The following PDIA3 variants were observed in gnomAD, a reference collection of about 807,000 sequenced individuals.
The protein encoded by PDIA3 is protein disulfide isomerase family A member 3.
PDIA3 carries 16 observed loss-of-function variants against 56.9 expected under a neutral mutation model. The ratio of observed to expected loss-of-function variants is 0.28; its 90% CI spans 0.19 to 0.43. PDIA3 has a LOEUF of 0.43. Among genes scored for constraint, PDIA3 ranks in the 20% least tolerant of loss-of-function variants. The pLI, the probability that PDIA3 is intolerant of heterozygous loss-of-function variation, is 1.00. For synonymous variants in PDIA3, 192 were observed against 216.5 expected (o/e 0.89, Z 0.99); for missense variants, 485 against 621.3 (o/e 0.78, Z 2.33).
intron 2 of PDIA3, among the ~76,000 whole-genome samples, chr15:43,755,828 G>A (rs2086775354): frequency 6.6e-6 from 1 of 151,876 alleles, no homozygotes; most frequent in Admixed American, 6.6e-5. Context: ...GCAGGAGAAT[G>A]GCTTGAACCT....
At chr15:43,767,370 A>G (rs1352591305) in intron 8 of PDIA3, among the ~76,000 whole-genome samples, 1 of 152,106 alleles carries the variant, frequency 6.6e-6, no homozygotes, top group South Asian at 2.1e-4. Context: ...GAAATAAATA[A>G]AGAAAAATAA....
At chr15:43,769,701 G>C in intron 10 of PDIA3, 55 bp downstream of exon 10, 1 of 1,586,142 alleles carries the variant, frequency 6.3e-7, no homozygotes, top group East Asian at 2.2e-5. Context: ...GTAAGTTTAT[G>C]TATGTATTCA....
chr15:43,748,087 G>C (rs1190383918), intron 1 of PDIA3, among the ~76,000 whole-genome samples: 1 of 152,172 alleles, frequency 6.6e-6, no homozygotes, highest in Non-Finnish European at 1.5e-5. Flanking sequence ...CACTAAGTTT[G>C]TCAGATCTGA....
At chr15:43,756,848 A>G (rs1258364286) in intron 3 of PDIA3, 82 bp downstream of exon 3, 35 of 787,838 alleles carry the variant, frequency 4.4e-5, no homozygotes, top group South Asian at 2.0e-4. Context: ...GTGTTTTTCT[A>G]CACAGTATAC....
At chr15:43,766,991 A>C in intron 8 of PDIA3, 81 bp downstream of exon 8, 2 of 1,244,702 alleles carry the variant, frequency 1.6e-6, no homozygotes, top group South Asian at 2.5e-5. Flanking sequence ...AAGAACAATA[A>C]CCCTGGAATG....
chr15:43,771,644 T>G lies in PDIA3; in HGVS notation c.*426T>G, dbSNP rs751684191. 4.9e-5 allele frequency: 20 copies of G among 406,006 alleles called. No homozygotes were observed. The highest frequency in any genetic ancestry group is 7.8e-5 in the Non-Finnish European group (18 of 230,864). The allele number at this position is 406,006 out of a possible 1,614,324, so 25.2% of individuals were successfully genotyped here. A position where few individuals can be genotyped will look rare whatever the true frequency, so the allele number is the denominator to read the frequency against. On this transcript the variant is annotated 3_prime_UTR_variant, in exon 13 of 13. Transcript: ENST00000300289. ...GGAAATGCTCTGTAATCTACACTGT[T>G]CAGTACAGGTAGCTACGGAGCATCT...
intron 7 of PDIA3, among the ~76,000 whole-genome samples, chr15:43,766,433 T>G (rs897952453): frequency 6.6e-6 from 1 of 152,226 alleles, no homozygotes; most frequent in Non-Finnish European, 1.5e-5. Flanking sequence ...CCTTACAAAT[T>G]TTGTTTTCAG....
At chr15:43,762,565 A>T (rs905410372) in intron 4 of PDIA3, among the ~76,000 whole-genome samples, 5 of 151,342 alleles carry the variant, frequency 3.3e-5, no homozygotes, top group African/African-American at 1.2e-4. Flanking sequence ...TTTACTGTTT[A>T]AATTTGGCTA....
chr15:43,752,767 T>C, intron 1 of PDIA3: 1 of 470,770 alleles, frequency 2.1e-6, no homozygotes, highest in Non-Finnish European at 4.4e-6. Flanking sequence ...AAGTTTCTTC[T>C]CTATTATATT....
At chr15:43,765,814 A>G (rs1390931397) in intron 6 of PDIA3, 73 bp from the exon 7 acceptor site, 2 of 1,483,352 alleles carry the variant, frequency 1.3e-6, no homozygotes, top group East Asian at 2.3e-5. Context: ...AATGCTATCA[A>G]TTATTTTGTG....
At chr15:43,750,824 C>A (rs1157868004) in intron 1 of PDIA3, among the ~76,000 whole-genome samples, 1 of 150,414 alleles carries the variant, frequency 6.6e-6, no homozygotes, top group Non-Finnish European at 1.5e-5. Flanking sequence ...GTGTATGCTA[C>A]CCTCTAAGAC....
In PDIA3 at chr15:43,765,781, GT is replaced by G. The variant is rs2086844078; in HGVS notation, c.720-103del. 3.1e-6 allele frequency: 4 copies of G among 1,277,298 alleles called. No individual in the cohort carries two copies. The Admixed American group carries it at 6.3e-5, about 20-fold the overall frequency. The allele number at this position is 1,277,298 out of a possible 1,614,324, so 79.1% of individuals were successfully genotyped here. A position where few individuals can be genotyped will look rare whatever the true frequency, so the allele number is the denominator to read the frequency against. ...ATATTGCTCAGTACTTGTTCTAAAT[GT>G]TTAAAATCTCTTTCCTTCATAAATG... is the stretch of plus-strand genomic sequence containing the variant. On this transcript the variant is annotated intron_variant, in intron 6 of 12. Transcript: ENST00000300289.
chr15:43,765,614 G>T, intron 6 of PDIA3, 48 bp downstream of exon 6: 1 of 1,215,630 alleles, frequency 8.2e-7, no homozygotes, highest in Non-Finnish European at 1.2e-6. Flanking sequence ...CTTGATTTTA[G>T]TTTGTTTACC....
intron 8 of PDIA3, among the ~76,000 whole-genome samples, chr15:43,767,444 C>T (rs1314707253): frequency 1.3e-5 from 2 of 151,938 alleles, no homozygotes; most frequent in Non-Finnish European, 2.9e-5. Context: ...GAAAGGATGG[C>T]AGGTTGGAAT....
chr15:43,751,637 C>CT, intron 1 of PDIA3: 1 of 1,304,190 alleles, frequency 7.7e-7, no homozygotes, highest in Non-Finnish European at 1.0e-6. Flanking sequence ...CATTGAAACT[C>CT]TTTTTGTGGA....
At position 43,768,498 on chromosome 15, in the gene PDIA3, G is replaced by A. The variant is rs1402714439; in HGVS notation, c.1038G>A (p.Gly346=). 1 of 1,612,322 alleles carries A rather than the reference G, an allele frequency of 6.2e-7. No homozygotes were observed. The highest frequency in any genetic ancestry group is 1.7e-5 in the Admixed American group (1 of 59,988). The change falls in exon 9 of 13, where the codon GGG becomes GGA. Residue 346 remains glycine (G), a synonymous_variant. Coordinates refer to ENST00000300289, the MANE Select transcript of PDIA3 (RefSeq NM_005313.5). ...TGTTTTCCAATTGTAGGCGTGATGG[G>A]AAGGCTCTGGAGAGGTTCCTGCAGG... The part of the protein sequence containing the change: ...FVMQEEFSRD[G]KALERFLQDY...
At chr15:43,764,649 G>A (rs1299980934) in intron 5 of PDIA3, among the ~76,000 whole-genome samples, 1 of 152,000 alleles carries the variant, frequency 6.6e-6, no homozygotes, top group Non-Finnish European at 1.5e-5. Context: ...TGTGTTTTTA[G>A]TAGAGACAGG....
At chr15:43,748,216 G>A (rs1238881004) in intron 1 of PDIA3, among the ~76,000 whole-genome samples, 2 of 152,124 alleles carry the variant, frequency 1.3e-5, no homozygotes, top group Admixed American at 6.5e-5. Flanking sequence ...GGTGGCTCCC[G>A]CCTGTAATCC....
intron 1 of PDIA3, among the ~76,000 whole-genome samples, chr15:43,751,386 G>C (rs2086743422): frequency 2.0e-5 from 3 of 152,120 alleles, no homozygotes. Flanking sequence ...AAAAGTACTT[G>C]ACGCATGGCA....
Sources: allele counts gnomAD v4.1 joint callset (sites outside exome capture counted in the v4.1 genomes callset), GRCh38; gene constraint gnomAD v4.1.1; transcripts MANE v1.5; gene names NCBI Gene and HGNC (gene_info 2026-07-23, HGNC 2026-07-21).